PCDHGB1: variants seen among roughly 807,000 people sequenced by gnomAD.
PCDHGB1 encodes protocadherin gamma subfamily B, 1, also known as protocadherin gamma-B1.
PCDHGB1 carries 34 observed loss-of-function variants against 56.6 expected under a neutral mutation model. The ratio of observed to expected loss-of-function variants is 0.60; its 90% confidence interval spans 0.46 to 0.80. The LOEUF is 0.80. PCDHGB1 is among the 30% of genes least tolerant of loss of function. The pLI is 0.00. For synonymous variants in PCDHGB1, 561 were observed against 505.9 expected, an observed-to-expected ratio of 1.11 and a Z score of -1.46; for missense variants, 1,278 against 1,204.6, an observed-to-expected ratio of 1.06 and a Z score of -0.90.
chr5:141,468,464 TC>T (rs2099167734), intron 1 of PCDHGB1: 2 of 152,174 alleles, frequency 1.3e-5, no homozygotes, highest in Admixed American at 1.3e-4. Flanking sequence ...GCAAGTTATT[TC>T]TGAGGAGAAT....
chr5:141,417,861 T>A, intron 1 of PCDHGB1: 3 of 1,549,554 alleles, frequency 1.9e-6, no homozygotes, highest in Non-Finnish European at 2.6e-6. Context: ...GAGCGAACGA[T>A]GGGAGGGAGC....
At chr5:141,400,007 C>T (rs907315450) in intron 1 of PCDHGB1, 30 of 1,612,624 alleles carry the variant, frequency 1.9e-5, no homozygotes, top group Non-Finnish European at 2.5e-5. Flanking sequence ...ACAGCGCGTG[C>T]CTTGGGCGAC....
chr5:141,400,636 G>T (rs1478195116), intron 1 of PCDHGB1: 4 of 1,325,644 alleles, frequency 3.0e-6, no homozygotes, highest in Non-Finnish European at 4.2e-6. Context: ...AGTCAGAGCT[G>T]CTCAGAAAGC....
intron 1 of PCDHGB1, chr5:141,355,235 G>C (rs146402451): frequency 1.2e-3 from 1,998 of 1,612,170 alleles, no homozygotes; most frequent in Non-Finnish European, 1.5e-3. Context: ...GACCACACCC[G>C]GCTGCTCCAG....
intron 1 of PCDHGB1, chr5:141,478,131 A>G (rs747801474): frequency 6.2e-7 from 1 of 1,614,064 alleles, no homozygotes; most frequent in Non-Finnish European, 8.5e-7. Flanking sequence ...GACTCTCCTG[A>G]AGCCCGAGCC....
At chr5:141,355,118 T>C in intron 1 of PCDHGB1, 1 of 1,514,140 alleles carries the variant, frequency 6.6e-7, no homozygotes, top group Non-Finnish European at 8.8e-7. Context: ...ATGCACTTTA[T>C]TTTGGACCCA....
intron 1 of PCDHGB1, chr5:141,365,999 G>A: frequency 1.9e-6 from 3 of 1,614,212 alleles, no homozygotes; most frequent in South Asian, 1.1e-5. Flanking sequence ...GGACCAGAAC[G>A]ACAATACGCC....
intron 1 of PCDHGB1, among the ~76,000 whole-genome samples, chr5:141,455,576 G>T (rs752051075): frequency 1.3e-5 from 2 of 152,154 alleles, no homozygotes; most frequent in Non-Finnish European, 2.9e-5. Flanking sequence ...TCCCACCCCA[G>T]CCTTTTAATA....
intron 1 of PCDHGB1, chr5:141,408,375 T>C: frequency 6.2e-7 from 1 of 1,613,972 alleles, no homozygotes; most frequent in Non-Finnish European, 8.5e-7. Context: ...GGGCTCAGTG[T>C]CCTGGATGTG....
At chr5:141,403,624 C>T (rs1269483770) in intron 1 of PCDHGB1, 3 of 1,613,924 alleles carry the variant, frequency 1.9e-6, no homozygotes. Context: ...GTCGCTCCAG[C>T]ACAGTGCGCA....
chr5:141,386,939 A>T (rs2150323633), intron 1 of PCDHGB1, among the ~76,000 whole-genome samples: 1 of 152,358 alleles, frequency 6.6e-6, no homozygotes, highest in South Asian at 2.1e-4. Flanking sequence ...AGAGGTAGGA[A>T]GCAGTGCTTC....
rs376395066 is a variant in PCDHGB1 at position 141,490,681 on chromosome 5, C to G, written c.2410-4126C>G. On this transcript the variant is annotated intron_variant, in intron 1 of 3. Transcript: ENST00000523390. The surrounding 1 kb of genome is among the most constrained non-coding windows in gnomAD (Gnocchi z 5.4). ...TCTTTGCACTGTGGCTGCCTCAGATCCAGACACTGGGGATAATGCCCGCCT... is the reference window on the plus strand; with the variant it reads ...TCTTTGCACTGTGGCTGCCTCAGATGCAGACACTGGGGATAATGCCCGCCT... 2.5e-6 allele frequency: 4 copies of G among 1,613,998 alleles called. No homozygotes were observed. In the African/African-American group the frequency reaches 4.0e-5, roughly 16 times the overall value.
Position 141,432,683 on chromosome 5 carries a change from C to T in PCDHGB1, c.2410-62124C>T, listed in dbSNP as rs138402830. The T allele has an allele frequency of 4.8e-5, 78 of 1,613,968 alleles. No individual in the cohort carries two copies. In the African/African-American group the frequency reaches 9.5e-4, roughly 20 times the overall value. On this transcript the variant is annotated intron_variant, in intron 1 of 3. Transcript: ENST00000523390. The surrounding 1 kb of genome is among the most constrained non-coding windows in gnomAD (Gnocchi z 6.0). ...GGACAGAGACGCGCTCAAGCAGAGC[C>T]TCGTAGTGGCCGTCCAGGACCACGG...
chr5:141,362,737 C>T, intron 1 of PCDHGB1: 1 of 746,916 alleles, frequency 1.3e-6, no homozygotes. Context: ...GATTTATTTA[C>T]CCATGATTGC....
intron 1 of PCDHGB1, chr5:141,422,513 G>A (rs765955739): frequency 6.2e-7 from 1 of 1,614,000 alleles, no homozygotes. Context: ...ACAGACCAGG[G>A]AAGCCCGCCT....
intron 3 of PCDHGB1, among the ~76,000 whole-genome samples, chr5:141,509,065 T>A (rs1294546432): frequency 6.6e-6 from 1 of 152,018 alleles, no homozygotes; most frequent in Non-Finnish European, 1.5e-5. Context: ...AGCTCTCAGC[T>A]CCGGGGATTT....
intron 1 of PCDHGB1, chr5:141,423,700 G>A (rs753612385): frequency 7.5e-7 from 1 of 1,324,816 alleles, no homozygotes; most frequent in Non-Finnish European, 9.8e-7. Context: ...TTGGTGTCTT[G>A]GCACAAGTCT....
At chr5:141,392,625 C>T (rs939952294) in intron 1 of PCDHGB1, 4 of 567,662 alleles carry the variant, frequency 7.0e-6, no homozygotes, top group Non-Finnish European at 8.9e-6. Context: ...CGAAAACACT[C>T]AGATCTCACA....
chr5:141,468,847 C>T (rs2099182933), intron 1 of PCDHGB1, among the ~76,000 whole-genome samples: 1 of 151,986 alleles, frequency 6.6e-6, no homozygotes, highest in African/African-American at 2.4e-5. Flanking sequence ...GCCTGGGCAA[C>T]AGAGCGAGAC....
Sources: gnomAD v4.1 joint callset for allele counts (sites outside exome capture counted in the v4.1 genomes callset) on GRCh38, gnomAD v4.1.1 for gene constraint, Gnocchi (gnomAD v3.1) non-coding constraint, MANE v1.5 for transcripts, NCBI Gene and HGNC (gene_info 2026-07-23, HGNC 2026-07-21) for gene names.